SOX6: variants seen among roughly 807,000 people sequenced by gnomAD.
SOX6 encodes the protein transcription factor SOX-6.
SOX6 carries 11 observed loss-of-function variants against 97.8 expected under a neutral mutation model. The ratio of observed to expected loss-of-function variants is 0.11; its 90% CI spans 0.07 to 0.19. The LOEUF (loss-of-function observed/expected upper bound fraction) is 0.19, where lower values mean the gene tolerates loss of function less well. SOX6 is among the 10% of genes least tolerant of loss of function. The probability of loss-of-function intolerance (pLI) is 1.00; values close to 1 mark genes in which losing one functional copy is unlikely to be tolerated. For synonymous variants in SOX6, 360 were observed against 371.4 expected, an observed-to-expected ratio of 0.97 and a Z score of 0.35; for missense variants, 810 against 1,039.5, an observed-to-expected ratio of 0.78 and a Z score of 3.04.
intron 1 of SOX6, among the ~76,000 whole-genome samples, chr11:16,437,776 C>T (rs1859411399): frequency 6.6e-6 from 1 of 150,824 alleles, no homozygotes; most frequent in African/African-American, 2.4e-5. Flanking sequence ...CTTGTCTGTG[C>T]TGAGTTTCCT....
At chr11:16,686,303 C>T (rs1847969024) in intron 3 of SOX6, among the ~76,000 whole-genome samples, 1 of 152,240 alleles carries the variant, frequency 6.6e-6, no homozygotes, top group Non-Finnish European at 1.5e-5. Flanking sequence ...TATTCCAAAT[C>T]TTTATGCTCT....
intron 3 of SOX6, among the ~76,000 whole-genome samples, chr11:16,664,680 C>T (rs755494172): frequency 8.6e-5 from 13 of 151,986 alleles, no homozygotes; most frequent in Non-Finnish European, 8.8e-5. Context: ...CCAGTGGACT[C>T]GGCGGGGCAC....
chr11:16,069,837 A>G (rs1848181427), intron 9 of SOX6, among the ~76,000 whole-genome samples: 1 of 152,194 alleles, frequency 6.6e-6, no homozygotes, highest in Non-Finnish European at 1.5e-5. Flanking sequence ...TAACCCCTGC[A>G]GCCAGCTCAA....
intron 7 of SOX6, among the ~76,000 whole-genome samples, chr11:16,103,926 C>A (rs2133984318): frequency 6.6e-6 from 1 of 151,950 alleles, no homozygotes; most frequent in African/African-American, 2.4e-5. Context: ...ACAGTGTACA[C>A]TGCTTGGGTG....
intron 1 of SOX6, among the ~76,000 whole-genome samples, chr11:16,350,975 A>T (rs1282869693): frequency 6.6e-6 from 1 of 152,108 alleles, no homozygotes. Flanking sequence ...ATACCACTCC[A>T]TGTTAATACT....
chr11:16,077,960 TACTC>T (rs772934467), intron 9 of SOX6, among the ~76,000 whole-genome samples: 2 of 152,126 alleles, frequency 1.3e-5, no homozygotes, highest in Non-Finnish European at 2.9e-5. Context: ...GGAGATGAAA[TACTC>T]AATCTCTCTC....
At chr11:16,447,264 C>T (rs925072980) in intron 1 of SOX6, among the ~76,000 whole-genome samples, 1 of 152,072 alleles carries the variant, frequency 6.6e-6, no homozygotes, top group Non-Finnish European at 1.5e-5. Flanking sequence ...GAAAAGAGCA[C>T]AGTCATTGAA....
intron 4 of SOX6, among the ~76,000 whole-genome samples, chr11:16,516,622 A>G (rs1297500866): frequency 0.014 from 2,068 of 150,616 alleles, 51 homozygotes; most frequent in African/African-American, 0.048. Flanking sequence ...CCCAAGACTA[A>G]ACCAGGAAGA....
At chr11:16,738,233 G>A (rs951562473) in intron 1 of SOX6, among the ~76,000 whole-genome samples, 3 of 152,048 alleles carry the variant, frequency 2.0e-5, no homozygotes, top group Admixed American at 6.6e-5. Context: ...AATGGTAGAA[G>A]CCATTTTTGG....
chr11:16,205,280 A>G (rs10832556), intron 4 of SOX6, among the ~76,000 whole-genome samples: 80,480 of 151,858 alleles, frequency 0.53, 21,622 homozygotes, highest in East Asian at 0.75. Context: ...TAGCAAATTG[A>G]GATCTTCTAT....
intron 2 of SOX6, among the ~76,000 whole-genome samples, chr11:16,734,026 CAAA>C (rs912566097): frequency 1.1e-4 from 7 of 64,904 alleles, no homozygotes; most frequent in Admixed American, 1.7e-4. Context: ...GACTTTGTCT[CAAA>C]AAAAAAAAAA....
intron 12 of SOX6, among the ~76,000 whole-genome samples, chr11:16,041,416 A>G (rs1855659824): frequency 6.6e-6 from 1 of 152,146 alleles, no homozygotes; most frequent in East Asian, 1.9e-4. Context: ...GTATTACATC[A>G]GTGTAATACT....
chr11:16,560,425 A>G (rs1176609355), intron 4 of SOX6, among the ~76,000 whole-genome samples: 3 of 124,742 alleles, frequency 2.4e-5, no homozygotes, highest in Non-Finnish European at 5.6e-5. Context: ...ATACGTACAT[A>G]TGTTTATACG....
chr11:16,317,753 C>G lies in SOX6; in HGVS notation c.445+693G>C, dbSNP rs78918158. On this transcript the variant is annotated intron_variant, in intron 3 of 15. Transcript: ENST00000683767. ...CTATTAATTACTCTACATTTTAAGG[C>G]CTAAAATCTGTACATAAAAACCAAA... 5.4e-3 allele frequency: 920 copies of G among 169,084 alleles called. 8 individuals carry two copies. Among genetic ancestry groups the G allele is most frequent in the African/African-American group, 0.02 (833 of 41,974 alleles). The allele number at this position is 169,084 out of a possible 1,614,324, so 10.5% of individuals were successfully genotyped here.
At chr11:16,385,904 T>C (rs1308448192) in intron 1 of SOX6, among the ~76,000 whole-genome samples, 3 of 152,198 alleles carry the variant, frequency 2.0e-5, no homozygotes, top group African/African-American at 4.8e-5. Context: ...CACTAGCTAA[T>C]AGTCATTCAA....
chr11:16,598,295 G>T (rs1388680544), intron 4 of SOX6, among the ~76,000 whole-genome samples: 1 of 152,010 alleles, frequency 6.6e-6, no homozygotes, highest in African/African-American at 2.4e-5. Context: ...TACACAGAAG[G>T]TTCAATGCCC....
intron 9 of SOX6, among the ~76,000 whole-genome samples, chr11:16,064,455 A>T (rs11023839): frequency 0.071 from 10,324 of 145,822 alleles, 413 homozygotes; most frequent in Non-Finnish European, 0.096. Flanking sequence ...CATCTCTCAG[A>T]ATACTTCCAT....
At chr11:16,402,590 C>T in intron 1 of SOX6, 3 of 1,445,828 alleles carry the variant, frequency 2.1e-6, no homozygotes, top group East Asian at 2.3e-5. Flanking sequence ...AAAGAAATAT[C>T]GCTTTGTTTA....
intron 3 of SOX6, among the ~76,000 whole-genome samples, chr11:16,651,543 T>G (rs144793379): frequency 1.3e-5 from 2 of 152,118 alleles, no homozygotes; most frequent in African/African-American, 4.8e-5. Flanking sequence ...TCTCAATAGA[T>G]GTAGAAAAAG....
Sources: allele counts gnomAD v4.1 joint callset (sites outside exome capture counted in the v4.1 genomes callset), GRCh38; gene constraint gnomAD v4.1.1; transcripts MANE v1.5; gene names NCBI Gene and HGNC (gene_info 2026-07-23, HGNC 2026-07-21).